STK3: variants seen among roughly 807,000 people sequenced by gnomAD.
STK3 encodes serine/threonine-protein kinase 3.
A neutral mutation model predicts 58.0 loss-of-function variants in STK3; 41 were observed. The observed-to-expected ratio is 0.71, with a 90% confidence interval of 0.55 to 0.92. STK3 has a LOEUF of 0.92. Ranked by LOEUF, STK3 falls within the 40% of genes least tolerant of loss-of-function variation. STK3 has a pLI of 0.00. For synonymous variants in STK3, 170 were observed against 191.0 expected, an observed-to-expected ratio of 0.89 and a Z score of 0.91; for missense variants, 479 against 602.7, an observed-to-expected ratio of 0.79 and a Z score of 2.15.
chr8:98,435,565 G>C (rs1045676739), intron 2 of STK3, among the ~76,000 whole-genome samples: 13 of 152,140 alleles, frequency 8.5e-5, no homozygotes, highest in African/African-American at 3.1e-4. Flanking sequence ...TACAAAGGGA[G>C]TGGGGTGGGG....
chr8:98,868,814 A>T (rs1004150763), intron 3 of STK3, among the ~76,000 whole-genome samples: 3 of 151,044 alleles, frequency 2.0e-5, no homozygotes, highest in Admixed American at 6.6e-5. Flanking sequence ...ACTAAAAATA[A>T]AAAATAAAAA....
At chr8:98,418,689 C>T (rs537808798) in intron 3 of STK3, among the ~76,000 whole-genome samples, 1 of 152,314 alleles carries the variant, frequency 6.6e-6, no homozygotes, top group East Asian at 1.9e-4. Flanking sequence ...TTTCTCACAA[C>T]TTCCCAGCCT....
intron 10 of STK3, among the ~76,000 whole-genome samples, chr8:98,477,609 C>A (rs1642221264): frequency 6.7e-6 from 1 of 149,442 alleles, no homozygotes; most frequent in Non-Finnish European, 1.5e-5. Flanking sequence ...AAAGGGCCAC[C>A]CCTGCAGCTC....
At chr8:98,499,637 C>G (rs1563669327) in intron 10 of STK3, among the ~76,000 whole-genome samples, 1 of 152,086 alleles carries the variant, frequency 6.6e-6, no homozygotes. Flanking sequence ...TCATCATAAG[C>G]AGAATGTTGG....
rs564131295 is a variant in STK3, at chr8:98,561,883, T to C, written c.949-13722A>G. On this transcript the variant is annotated intron_variant, in intron 8 of 10. Coordinates refer to ENST00000419617, the MANE Select transcript of STK3 (RefSeq NM_006281.4). ...TTGAACATACACTTTGCCAAAGATA[T>C]ATAAATGGCAAATAAGCATATAAAA... is the stretch of plus-strand genomic sequence containing the variant. Among the ~76,000 whole-genome samples the C allele has an allele frequency of 6.6e-5, 10 of 152,206 alleles. No homozygotes were observed. In the East Asian group the frequency reaches 1.9e-3, roughly 29 times the overall value.
intron 6 of STK3, among the ~76,000 whole-genome samples, chr8:98,685,867 A>C (rs1823957249): frequency 6.6e-6 from 1 of 152,180 alleles, no homozygotes; most frequent in South Asian, 2.1e-4. Context: ...CAGTAGGAAG[A>C]AAAGAAAAAA....
intron 6 of STK3, among the ~76,000 whole-genome samples, chr8:98,702,900 T>A (rs1351284697): frequency 6.6e-6 from 1 of 152,232 alleles, no homozygotes; most frequent in Non-Finnish European, 1.5e-5. Flanking sequence ...GTATATGTAG[T>A]AAATTGTATC....
At chr8:98,457,289 A>T (rs1366582827) in intron 10 of STK3, among the ~76,000 whole-genome samples, 1 of 152,226 alleles carries the variant, frequency 6.6e-6, no homozygotes, top group African/African-American at 2.4e-5. Context: ...GTGCTGTTCA[A>T]ATCACTGTGG....
intron 1 of STK3, among the ~76,000 whole-genome samples, chr8:98,891,356 C>T (rs372185277): frequency 7.1e-4 from 108 of 152,310 alleles, no homozygotes; most frequent in Non-Finnish European, 1.3e-3. Context: ...CAAGTATTCT[C>T]GTTTATGGCT....
chr8:98,468,485 G>A (rs1820651668), intron 10 of STK3, among the ~76,000 whole-genome samples: 1 of 152,186 alleles, frequency 6.6e-6, no homozygotes, highest in Admixed American at 6.5e-5. Context: ...AATTGATTTT[G>A]TCTACCTTAA....
At chr8:98,617,721 G>T (rs1003610034) in intron 6 of STK3, among the ~76,000 whole-genome samples, 128 of 151,450 alleles carry the variant, frequency 8.5e-4, no homozygotes, top group Non-Finnish European at 1.0e-3. Flanking sequence ...AGAAGAAATG[G>T]ATACATTCCT....
At chr8:98,810,361 G>A (rs578229798) in intron 1 of STK3, among the ~76,000 whole-genome samples, 3 of 151,970 alleles carry the variant, frequency 2.0e-5, no homozygotes, top group East Asian at 1.9e-4. Flanking sequence ...CACAGTGGGT[G>A]CACTATTTCA....
chr8:98,540,891 A>G (rs1242937680), intron 9 of STK3, among the ~76,000 whole-genome samples: 1 of 152,188 alleles, frequency 6.6e-6, no homozygotes, highest in Non-Finnish European at 1.5e-5. Context: ...GATTATTTAC[A>G]GCAGCATTCT....
chr8:98,649,011 T>C (rs1820645967), intron 6 of STK3, among the ~76,000 whole-genome samples: 1 of 150,722 alleles, frequency 6.6e-6, no homozygotes, highest in Non-Finnish European at 1.5e-5. Context: ...GAGCCAAGAT[T>C]GTGCACTGCA....
chr8:98,696,162 G>C (rs1238353054), intron 6 of STK3, among the ~76,000 whole-genome samples: 3 of 152,070 alleles, frequency 2.0e-5, no homozygotes, highest in Non-Finnish European at 2.9e-5. Flanking sequence ...TTGGCTGTCT[G>C]TTATTGGTGT....
chr8:98,938,824 T>A (rs1840288107), intron 1 of STK3, among the ~76,000 whole-genome samples: 1 of 152,012 alleles, frequency 6.6e-6, no homozygotes, highest in Non-Finnish European at 1.5e-5. Flanking sequence ...ACAGAATCCC[T>A]AAAATGTGAT....
intron 9 of STK3, among the ~76,000 whole-genome samples, chr8:98,541,262 T>C (rs1264729178): frequency 2.0e-5 from 3 of 152,138 alleles, no homozygotes; most frequent in Non-Finnish European, 4.4e-5. Flanking sequence ...TGGGAGATGA[T>C]TGGATCACGG....
chr8:98,400,124 C>G (rs1358081982), downstream of STK3, among the ~76,000 whole-genome samples: 1 of 152,170 alleles, frequency 6.6e-6, no homozygotes. Context: ...GATTCCAGGT[C>G]TGACTGTAGA....
At chr8:98,539,949 T>C (rs1810099645) in intron 9 of STK3, among the ~76,000 whole-genome samples, 1 of 152,218 alleles carries the variant, frequency 6.6e-6, no homozygotes, top group Non-Finnish European at 1.5e-5. Flanking sequence ...AGACGGGGTT[T>C]CACCGTGTTG....
Sources: gnomAD v4.1 joint callset for allele counts (sites outside exome capture counted in the v4.1 genomes callset) on GRCh38, gnomAD v4.1.1 for gene constraint, MANE v1.5 for transcripts, NCBI Gene and HGNC (gene_info 2026-07-23, HGNC 2026-07-21) for gene names.